REC8: variants seen among roughly 807,000 people sequenced by gnomAD.
REC8 encodes meiotic recombination protein REC8 homolog.
A neutral mutation model predicts 78.3 loss-of-function variants in REC8; 42 were observed. That is an observed-to-expected ratio of 0.54 (90% confidence interval 0.42 to 0.69). The LOEUF (loss-of-function observed/expected upper bound fraction) is 0.69. REC8 is among the 30% of genes least tolerant of loss of function. The pLI is 0.00. For missense variants in REC8, 581 were observed against 715.8 expected (o/e 0.81, Z 2.15); for synonymous variants, 268 against 274.1 (o/e 0.98, Z 0.22).
chr14:24,172,249 T>C lies in REC8; in HGVS notation c.-304T>C, dbSNP rs995022484. On this transcript the variant is annotated 5_prime_UTR_variant, in exon 1 of 19. Coordinates refer to ENST00000611366, the MANE Select transcript of REC8 (RefSeq NM_001048205.2). ...CGGCCCGGACGTCCCCTTGGAGCTCTGCATCTCCAACCTGGAACCCAACCC... is the reference window on the plus strand; with the variant it reads ...CGGCCCGGACGTCCCCTTGGAGCTCCGCATCTCCAACCTGGAACCCAACCC... The C allele has an allele frequency of 6.7e-6, 3 of 449,450 alleles. No individual in the cohort carries two copies. The highest frequency in any genetic ancestry group is 8.0e-6 in the Non-Finnish European group (2 of 250,576). 27.8% of individuals were successfully genotyped at this position (449,450 alleles called of 1,614,324 possible).
chr14:24,173,759 C>G (rs923501950), intron 5 of REC8, among the ~76,000 whole-genome samples: 8 of 152,214 alleles, frequency 5.3e-5, no homozygotes, highest in Admixed American at 2.6e-4. Flanking sequence ...AGCTTAATGT[C>G]ACCCCCTTCC....
chr14:24,180,750 A>G (rs755169376), downstream of REC8: 31 of 1,613,804 alleles, frequency 1.9e-5, no homozygotes, highest in Admixed American at 5.0e-4. Context: ...CGGGAGCCAC[A>G]TCTATAACCT....
Position 24,177,378 on chromosome 14 carries a change from T to C in REC8, c.732T>C (p.Pro244=). 2.5e-6 allele frequency: 4 copies of C among 1,614,192 alleles called. No individual in the cohort carries two copies. The highest frequency in any genetic ancestry group is 3.4e-6 in the Non-Finnish European group (4 of 1,180,038). The change falls in exon 9 of 19, where the codon CCT becomes CCC. Residue 244 remains proline, a synonymous_variant. Coordinates refer to ENST00000611366, the MANE Select transcript of REC8 (RefSeq NM_001048205.2). ...LEIPRLPPPA[P]AEVEGIGEAL... is the part of the protein sequence containing the mutation. ...TCCCGCGGCTCCCACCTCCAGCTCCTGCAGAGTAAGGGCAAGAACTCCTAG... is the reference window on the plus strand; with the variant it reads ...TCCCGCGGCTCCCACCTCCAGCTCCCGCAGAGTAAGGGCAAGAACTCCTAG...
chr14:24,179,735 G>A lies in REC8; in HGVS notation c.1451+9G>A. On this transcript the variant is annotated intron_variant, in intron 17 of 18. Transcript: ENST00000611366. ...CTGGAAGCAGTGCACAGGTACCAGG[G>A]AGGTGGCACCTTGATGGGGTGGACC... 6.2e-7 allele frequency: 1 copy of A among 1,614,224 alleles called. No homozygotes were observed. The highest frequency in any genetic ancestry group is 1.7e-5 in the Admixed American group (1 of 60,032).
At chr14:24,178,484 G>A in intron 12 of REC8, 122 bp from the exon 13 acceptor site, 1 of 1,049,856 alleles carries the variant, frequency 9.5e-7, no homozygotes. Context: ...GGGCAGGCAG[G>A]GTCATGAGCG....
downstream of REC8, chr14:24,180,617 GCTGCCCCAGGCTCTC>G: frequency 6.2e-7 from 1 of 1,611,400 alleles, no homozygotes; most frequent in Non-Finnish European, 8.5e-7. Context: ...CTAAAGCCTC[GCTGCCCCAGGCTCTC>G]TGAGCCCTGC....
chr14:24,172,646 T>C (rs778240013), intron 1 of REC8, 38 bp downstream of exon 1: 37 of 1,612,902 alleles, frequency 2.3e-5, no homozygotes, highest in Non-Finnish European at 3.1e-5. Context: ...TGGCGGACGC[T>C]GCCCGGGATC....
rs377231985 is a variant in REC8, at chr14:24,176,937, C to G, written c.624+36C>G. ...CTGCACACAGGGCCTGAGGTCCAGCCCCCTTGCATGTACTTCTCTCTGTCC... is the reference window on the plus strand; with the variant it reads ...CTGCACACAGGGCCTGAGGTCCAGCGCCCTTGCATGTACTTCTCTCTGTCC... On this transcript the variant is annotated intron_variant, in intron 7 of 18. Coordinates refer to ENST00000611366, the MANE Select transcript of REC8 (RefSeq NM_001048205.2). 243 of 1,541,108 alleles carry G rather than the reference C, an allele frequency of 1.6e-4. No homozygotes were observed. In the African/African-American group the frequency reaches 3.0e-3, roughly 19 times the overall value.
Position 24,173,136 on chromosome 14 carries a change from GCA to G in REC8, c.282_283del (p.Ile95LeufsTer18), listed in dbSNP as rs868041668. The G allele has an allele frequency of 6.2e-7, 1 of 1,613,958 alleles. No homozygotes were observed. The highest frequency in any genetic ancestry group is 8.5e-7 in the Non-Finnish European group (1 of 1,180,048). On this transcript the variant is annotated frameshift_variant, in exon 4 of 19. Coordinates refer to ENST00000611366, the MANE Select transcript of REC8 (RefSeq NM_001048205.2). LOFTEE classifies it high-confidence loss of function. ...CCTCCCTGCCCACAGAGGACATCCA[GCA>G]CATCTTGGAGCGCCTCCACCGTGCC... is the stretch of plus-strand genomic sequence containing the variant. ...QCQYLVEDIQHILERLHRAQL... is the reference protein window; with the variant it reads ...QCQYLVEDIQXILERLHRAQL...
rs200486769 is a variant in REC8 at position 24,172,932 on chromosome 14, G to A, written c.159G>A (p.Val53=). Residue 53 remains valine, a synonymous_variant, in exon 3 of 19, where the codon GTG becomes GTA. Coordinates refer to ENST00000611366, the MANE Select transcript of REC8 (RefSeq NM_001048205.2). ...TCCTCAATTACGTGCTGGTACGAGT[G>A]CAACCCCCGCAGCCCGGCCTGCCGC... ...EEILNYVLVR[V]QPPQPGLPRP... is the part of the protein sequence containing the mutation. The A allele has an allele frequency of 1.2e-6, 2 of 1,611,306 alleles. No homozygotes were observed. Among genetic ancestry groups the A allele is most frequent in the Admixed American group, 3.3e-5 (2 of 60,032 alleles).
At chr14:24,180,429 T>C (rs1001631235), downstream of REC8, 7 of 1,602,148 alleles carry the variant, frequency 4.4e-6, no homozygotes, top group Non-Finnish European at 6.0e-6. Context: ...CTGGACTGGC[T>C]GCAGCCTGCA....
At chr14:24,173,085 TCTG>T in intron 3 of REC8, 38 bp from the exon 4 acceptor site, 1 of 1,612,574 alleles carries the variant, frequency 6.2e-7, no homozygotes, top group African/African-American at 1.3e-5. Context: ...TGAGCAGCTG[TCTG>T]CTAAGCTGGC....
chr14:24,173,410 A>G lies in REC8; in HGVS notation c.461A>G (p.Gln154Arg). 6.2e-7 allele frequency: 1 copy of G among 1,613,982 alleles called. No homozygotes were observed. Among genetic ancestry groups the G allele is most frequent in the Non-Finnish European group, 8.5e-7 (1 of 1,179,924 alleles). ...CTTCCTAGTCCTTTCGATATCCCTC[A>G]GGTAGGGCTCATTCCCCAAGACTCG... ...PRLPSPFDIP[Q>R]IRHLLEAAIP... The change falls in exon 5 of 19, where the codon CAG (glutamine) becomes CGG (arginine). Residue 154 changes from glutamine to arginine, a missense_variant and splice_region_variant. Gln to Arg is a conservative substitution (Grantham distance 43). Coordinates refer to ENST00000611366, the MANE Select transcript of REC8 (RefSeq NM_001048205.2).
chr14:24,176,815 C>T lies in REC8; in HGVS notation c.545-7C>T. On this transcript the variant is annotated splice_polypyrimidine_tract_variant and splice_region_variant and intron_variant, in intron 6 of 18. Coordinates refer to ENST00000611366, the MANE Select transcript of REC8 (RefSeq NM_001048205.2). ...CAGAGAGGCTAGTGACTCTCTTGTC[C>T]CTCCAGAGAGGATTCCGGTCACTGT... 6.2e-7 allele frequency: 1 copy of T among 1,609,066 alleles called. No homozygotes were observed. Among genetic ancestry groups the T allele is most frequent in the Non-Finnish European group, 8.5e-7 (1 of 1,176,298 alleles).
At chr14:24,177,638 G>A in intron 10 of REC8, 71 bp from the exon 11 acceptor site, 1 of 1,576,720 alleles carries the variant, frequency 6.3e-7, no homozygotes, top group Non-Finnish European at 8.6e-7. Context: ...GGAGGACCCT[G>A]CAGTTTCTTG....
chr14:24,174,524 C>T (rs8019327), intron 5 of REC8, among the ~76,000 whole-genome samples: 13,301 of 151,980 alleles, frequency 0.088, 854 homozygotes, highest in East Asian at 0.35. Flanking sequence ...GCACTCCACC[C>T]GCCTCGGCCT....
Position 24,180,077 on chromosome 14 carries a change from G to A in REC8, c.1626G>A (p.Pro542=), listed in dbSNP as rs763270288. The change falls in exon 19 of 19, where the codon CCG becomes CCA. Residue 542 remains proline (P), a synonymous_variant. Transcript: ENST00000611366. ...CATATGGTCGCCTCCTGATCCAGCC[G>A]GGGCCCAGATTCCACTGAGGTTAGA... ...EKPYGRLLIQ[P]GPRFH is the part of the protein sequence containing the mutation. 20 of 1,614,008 alleles carry A rather than the reference G, an allele frequency of 1.2e-5. No homozygotes were observed. The highest frequency in any genetic ancestry group is 1.6e-4 in the Middle Eastern group (1 of 6,084).
chr14:24,179,545 C>T (rs748369133), intron 16 of REC8, 50 bp from the exon 17 acceptor site: 3 of 1,613,944 alleles, frequency 1.9e-6, no homozygotes, highest in South Asian at 1.1e-5. Flanking sequence ...GGGTATGCCC[C>T]TTGTCACTGT....
rs1347043566 is a variant in REC8, at chr14:24,178,594, C to T, written c.997-12C>T. The T allele has an allele frequency of 1.2e-6, 2 of 1,613,612 alleles. No individual in the cohort carries two copies. Among genetic ancestry groups the T allele is most frequent in the East Asian group, 2.2e-5 (1 of 44,870 alleles). ...TTTATAATGGGGCTTCTGACCTTCC[C>T]CCACTACACAGCCTATGGTGCAGCC... On this transcript the variant is annotated splice_polypyrimidine_tract_variant and intron_variant, in intron 12 of 18. Transcript: ENST00000611366.
Sources: gnomAD v4.1 joint callset for allele counts (sites outside exome capture counted in the v4.1 genomes callset) on GRCh38, gnomAD v4.1.1 for gene constraint, MANE v1.5 for transcripts, NCBI Gene and HGNC (gene_info 2026-07-23, HGNC 2026-07-21) for gene names.